The following TMEM135 variants were observed in gnomAD, a reference collection of about 807,000 sequenced individuals.
The protein encoded by TMEM135 is peroxisomal membrane protein 52.
A neutral mutation model predicts 60.3 loss-of-function variants in TMEM135; 30 were observed. The observed-to-expected ratio is 0.50, with a 90% CI of 0.37 to 0.68. TMEM135 has a LOEUF of 0.68. Ranked by LOEUF, TMEM135 falls within the 30% of genes least tolerant of loss-of-function variation. TMEM135 has a pLI of 0.00. For synonymous variants in TMEM135, 190 were observed against 186.7 expected, an observed-to-expected ratio of 1.02 and a Z score of -0.14; for missense variants, 468 against 548.8, an observed-to-expected ratio of 0.85 and a Z score of 1.47.
intron 6 of TMEM135, among the ~76,000 whole-genome samples, chr11:87,244,840 C>G (rs1941224574): frequency 1.3e-5 from 2 of 149,232 alleles, no homozygotes; most frequent in Admixed American, 1.3e-4. Flanking sequence ...TTTTTTGTGT[C>G]TCTGTTTCCT....
chr11:87,239,363 A>G (rs998631251), intron 6 of TMEM135, among the ~76,000 whole-genome samples: 2 of 152,118 alleles, frequency 1.3e-5, no homozygotes, highest in Admixed American at 6.6e-5. Flanking sequence ...CAAACAATTT[A>G]TAAAGTATTA....
chr11:87,234,389 G>A (rs867671137), intron 5 of TMEM135, among the ~76,000 whole-genome samples: 5 of 152,166 alleles, frequency 3.3e-5, no homozygotes, highest in East Asian at 3.9e-4. Context: ...TGCCTGGCAC[G>A]TGGTAGGAAT....
rs1344896117 is a variant in TMEM135, at chr11:87,324,998, C to T, written c.*3665C>T. On this transcript the variant is annotated 3_prime_UTR_variant, in exon 15 of 15. Transcript: ENST00000305494. ...ATGTGATGAGTAATAAGGTTACCTT[C>T]ATTGTGGAGGTGATGTTTACAATTG... 4.4e-6 allele frequency: 2 copies of T among 453,976 alleles called. No individual in the cohort carries two copies. The highest frequency in any genetic ancestry group is 2.0e-5 in the African/African-American group (1 of 50,092). The allele number at this position is 453,976 out of a possible 1,614,324, so 28.1% of individuals were successfully genotyped here.
intron 6 of TMEM135, among the ~76,000 whole-genome samples, chr11:87,247,643 G>A (rs569116948): frequency 4.6e-5 from 7 of 152,318 alleles, no homozygotes; most frequent in South Asian, 2.1e-4. Context: ...CTCCGTGGGC[G>A]TAGGACCCTC....
At chr11:87,196,261 T>C (rs997529488) in intron 5 of TMEM135, among the ~76,000 whole-genome samples, 1 of 152,202 alleles carries the variant, frequency 6.6e-6, no homozygotes, top group Non-Finnish European at 1.5e-5. Context: ...TGGTGAAATG[T>C]CTGCAAATTC....
At chr11:87,268,397 T>C (rs1020946160) in intron 6 of TMEM135, among the ~76,000 whole-genome samples, 3 of 151,946 alleles carry the variant, frequency 2.0e-5, no homozygotes, top group Non-Finnish European at 2.9e-5. Context: ...ATTACAGGTG[T>C]GAACCACCAT....
chr11:87,269,110 T>A (rs301601), intron 6 of TMEM135, among the ~76,000 whole-genome samples: 75,841 of 149,996 alleles, frequency 0.51, 19,440 homozygotes, highest in African/African-American at 0.54. Flanking sequence ...TTTCTCATTT[T>A]TCAAAGCCTG....
chr11:87,222,988 C>T (rs1940677107), intron 5 of TMEM135, among the ~76,000 whole-genome samples: 1 of 151,998 alleles, frequency 6.6e-6, no homozygotes, highest in Non-Finnish European at 1.5e-5. Flanking sequence ...GGGACAAAAG[C>T]ACAGAAAATG....
chr11:87,303,649 A>G (rs1044177042), intron 8 of TMEM135, among the ~76,000 whole-genome samples: 9 of 152,228 alleles, frequency 5.9e-5, no homozygotes, highest in African/African-American at 2.2e-4. Flanking sequence ...CAGGGAGCGT[A>G]CTCAAATTTT....
intron 1 of TMEM135, among the ~76,000 whole-genome samples, chr11:87,054,174 C>A (rs1026069608): frequency 6.6e-6 from 1 of 151,774 alleles, no homozygotes; most frequent in South Asian, 2.1e-4. Flanking sequence ...TTGGCTTACA[C>A]CTGTAATCCC....
At chr11:87,164,130 T>C (rs1346364803) in intron 5 of TMEM135, among the ~76,000 whole-genome samples, 1,270 of 124,788 alleles carry the variant, frequency 0.01, 61 homozygotes, top group African/African-American at 0.038. Context: ...ATGTCCTGAA[T>C]GGTAATGCCT....
intron 5 of TMEM135, among the ~76,000 whole-genome samples, chr11:87,162,020 T>C (rs561269013): frequency 7.9e-4 from 120 of 152,256 alleles, no homozygotes; most frequent in African/African-American, 2.6e-3. Context: ...GTTCTAATTA[T>C]GAAAGAAAAT....
At chr11:87,195,726 T>C (rs531089059) in intron 5 of TMEM135, among the ~76,000 whole-genome samples, 1 of 152,302 alleles carries the variant, frequency 6.6e-6, no homozygotes, top group African/African-American at 2.4e-5. Flanking sequence ...GTCATTTTCT[T>C]ACTTCACACG....
At chr11:87,288,911 G>A (rs1942215019) in intron 6 of TMEM135, among the ~76,000 whole-genome samples, 1 of 152,206 alleles carries the variant, frequency 6.6e-6, no homozygotes, top group Non-Finnish European at 1.5e-5. Flanking sequence ...GATTGTTTGA[G>A]TCCAGGAGTT....
chr11:87,323,138 T>G lies in TMEM135; in HGVS notation c.*1805T>G. 2.2e-6 allele frequency: 1 copy of G among 454,134 alleles called. No individual in the cohort carries two copies. Among genetic ancestry groups the G allele is most frequent in the Non-Finnish European group, 4.4e-6 (1 of 226,708 alleles). The allele number at this position is 454,134 out of a possible 1,614,324, so 28.1% of individuals were successfully genotyped here. On this transcript the variant is annotated 3_prime_UTR_variant, in exon 15 of 15. Coordinates refer to ENST00000305494, the MANE Select transcript of TMEM135 (RefSeq NM_022918.4). ...TCATTGACATTAAAAGACTGTGATA[T>G]TGAAAGATGAATTACGAAATTTGCT... is the stretch of plus-strand genomic sequence containing the variant.
chr11:87,043,117 G>A (rs559644218), intron 1 of TMEM135, among the ~76,000 whole-genome samples: 3 of 151,390 alleles, frequency 2.0e-5, no homozygotes, highest in Admixed American at 6.6e-5. Flanking sequence ...CACCACGCCC[G>A]GCTAATTTTG....
intron 3 of TMEM135, among the ~76,000 whole-genome samples, chr11:87,090,569 A>G (rs564165471): frequency 3.2e-4 from 48 of 152,236 alleles, no homozygotes; most frequent in African/African-American, 1.1e-3. Context: ...GGAAACTAAA[A>G]TAAGTTTTTG....
chr11:87,308,944 G>A (rs187265305), intron 9 of TMEM135, among the ~76,000 whole-genome samples: 2 of 152,230 alleles, frequency 1.3e-5, no homozygotes, highest in Admixed American at 1.3e-4. Context: ...TAGCCCGACA[G>A]GAATGAAAAC....
chr11:87,158,313 G>A (rs1218822258), intron 5 of TMEM135, among the ~76,000 whole-genome samples: 2 of 152,144 alleles, frequency 1.3e-5, no homozygotes, highest in African/African-American at 4.8e-5. Flanking sequence ...TAGTGGAAGT[G>A]AGTATCTAAG....
Sources: allele counts gnomAD v4.1 joint callset (sites outside exome capture counted in the v4.1 genomes callset), GRCh38; gene constraint gnomAD v4.1.1; transcripts MANE v1.5; gene names NCBI Gene and HGNC (gene_info 2026-07-23, HGNC 2026-07-21).